RAB19: variants seen among roughly 807,000 people sequenced by gnomAD.
The protein encoded by RAB19 is ras-related protein Rab-19.
In RAB19, 21 loss-of-function variants were observed where a neutral mutation model predicts 17.3. The observed-to-expected ratio is 1.21, with a 90% CI of 0.86 to 1.74. The LOEUF (loss-of-function observed/expected upper bound fraction) is 1.74, where lower values mean the gene tolerates loss of function less well. Ranked by LOEUF, RAB19 falls within the 40% of genes most tolerant of loss-of-function variation. RAB19 has a pLI of 0.00. For missense variants in RAB19, 277 were observed against 286.8 expected (o/e 0.97, Z 0.25); for synonymous variants, 126 against 110.4 (o/e 1.14, Z -0.88).
intron 3 of RAB19, among the ~76,000 whole-genome samples, chr7:140,421,806 T>A (rs1214359366): frequency 1.3e-5 from 2 of 151,872 alleles, no homozygotes; most frequent in African/African-American, 4.9e-5. Context: ...AGCCTTTTCG[T>A]CTCTTGATGG....
chr7:140,414,428 ACT>A (rs1345156776), intron 3 of RAB19, among the ~76,000 whole-genome samples: 1 of 152,030 alleles, frequency 6.6e-6, no homozygotes, highest in Non-Finnish European at 1.5e-5. Flanking sequence ...GTCTTTAATC[ACT>A]CTGTGAAACA....
At chr7:140,422,944 C>T (rs924085313) in intron 3 of RAB19, among the ~76,000 whole-genome samples, 3 of 151,954 alleles carry the variant, frequency 2.0e-5, no homozygotes, top group Non-Finnish European at 2.9e-5. Flanking sequence ...TCTGTCTCTA[C>T]TAAAAATACA....
At chr7:140,417,779 C>T (rs1164980481) in intron 3 of RAB19, among the ~76,000 whole-genome samples, 1 of 152,206 alleles carries the variant, frequency 6.6e-6, no homozygotes, top group Non-Finnish European at 1.5e-5. Flanking sequence ...GACTGTCCCT[C>T]GCCTCCTCTG....
chr7:140,425,897 T>C lies in RAB19; in HGVS notation c.401T>C (p.Leu134Pro), dbSNP rs771572401. The change falls in exon 4 of 4, where the codon CTC (leucine) becomes CCC (proline). Residue 134 changes from leucine (L) to proline (P), a missense_variant. By Grantham distance (98) the Leu-to-Pro change is moderately conservative (BLOSUM62 -3). Transcript: ENST00000537763. ...VIMLIGNKCDLWEKRHVLFED... is the reference protein window; with the variant it reads ...VIMLIGNKCDPWEKRHVLFED... Reference sequence around the variant, plus strand: ...TTCCTTCCAGGAAATAAATGTGACCTCTGGGAAAAGCGGCACGTCCTGTTC... The same window carrying C: ...TTCCTTCCAGGAAATAAATGTGACCCCTGGGAAAAGCGGCACGTCCTGTTC... The C allele has an allele frequency of 6.2e-7, 1 of 1,610,794 alleles. No individual in the cohort carries two copies. The highest frequency in any genetic ancestry group is 1.7e-5 in the Admixed American group (1 of 59,608).
At chr7:140,415,817 C>A (rs184319120) in intron 3 of RAB19, among the ~76,000 whole-genome samples, 240 of 151,358 alleles carry the variant, frequency 1.6e-3, no homozygotes, top group African/African-American at 5.4e-3. Context: ...AGGCAGGAGA[C>A]TTGCTTGAAC....
At chr7:140,413,516 G>A (rs1276316305) in intron 3 of RAB19, among the ~76,000 whole-genome samples, 1 of 152,114 alleles carries the variant, frequency 6.6e-6, no homozygotes, top group Non-Finnish European at 1.5e-5. Context: ...TCAACATAGT[G>A]AGACTTCATC....
intron 3 of RAB19, among the ~76,000 whole-genome samples, chr7:140,416,506 CG>C (rs1799460377): frequency 7.2e-5 from 11 of 152,122 alleles, no homozygotes. Flanking sequence ...TGCAGCTCAC[CG>C]GGTCCATAGC....
At chr7:140,424,639 A>ATATGTG (rs1554442794) in intron 3 of RAB19, among the ~76,000 whole-genome samples, 30 of 138,342 alleles carry the variant, frequency 2.2e-4, no homozygotes, top group South Asian at 1.4e-3. Context: ...ATATATATAT[A>ATATGTG]TGTGTGTGTG....
intron 3 of RAB19, among the ~76,000 whole-genome samples, chr7:140,416,009 A>T (rs1462147064): frequency 6.6e-6 from 1 of 151,514 alleles, no homozygotes; most frequent in African/African-American, 2.4e-5. Context: ...GTTCAACATC[A>T]GCCTGGGCAA....
chr7:140,417,513 C>T (rs1378436914), intron 3 of RAB19, among the ~76,000 whole-genome samples: 1 of 152,146 alleles, frequency 6.6e-6, no homozygotes, highest in East Asian at 1.9e-4. Flanking sequence ...CCACCAGGGA[C>T]TGTCATTCCT....
chr7:140,406,269 A>AAG lies in RAB19; in HGVS notation c.-23-1355_-23-1354insAG, dbSNP rs1368717729. Among the ~76,000 whole-genome samples, 4 of 143,922 alleles carry AAG rather than the reference A, an allele frequency of 2.8e-5. No individual in the cohort carries two copies. In the East Asian group the frequency reaches 8.6e-4, roughly 31 times the overall value. The allele number at this position is 143,922 out of a possible 152,430, so 94.4% of individuals were successfully genotyped here. On this transcript the variant is annotated intron_variant, in intron 1 of 3. Transcript: ENST00000537763. ...GTCTCAAAAAAAAAAAAAAAAAAAA[A>AAG]GGAAATATATATTTTTCAATGATAC...
chr7:140,423,442 A>G (rs1023760363), intron 3 of RAB19, among the ~76,000 whole-genome samples: 1 of 151,590 alleles, frequency 6.6e-6, no homozygotes, highest in Non-Finnish European at 1.5e-5. Flanking sequence ...TACATTTCAA[A>G]AAAAAAAAAA....
chr7:140,427,399 G>A lies in RAB19; in HGVS notation c.*1249G>A, dbSNP rs1055779972. ...GAACTCCTGACCTCATGATCCACCC[G>A]TCTCGGCCTCCTAAAGTGCTGGGAT... is the stretch of plus-strand genomic sequence containing the variant. On this transcript the variant is annotated 3_prime_UTR_variant, in exon 4 of 4. Transcript: ENST00000537763. 1.4e-4 allele frequency among the ~76,000 whole-genome samples: 20 copies of A among 146,378 alleles called. No homozygotes were observed. Among genetic ancestry groups the A allele is most frequent in the African/African-American group, 2.5e-4 (10 of 39,376 alleles).
In RAB19 at chr7:140,412,144, T is replaced by G; in HGVS notation, c.385+87T>G. 2.2e-6 allele frequency: 3 copies of G among 1,359,476 alleles called. No homozygotes were observed. The African/African-American group carries it at 4.3e-5, about 19-fold the overall frequency. The allele number at this position is 1,359,476 out of a possible 1,614,324, so 84.2% of individuals were successfully genotyped here. A position where few individuals can be genotyped will look rare whatever the true frequency, so the allele number is the denominator to read the frequency against. ...GCATGTTTCTAATGACAGTGGAAAA[T>G]GAAATCTTAAAAGTGTAAGTGATGC... On this transcript the variant is annotated intron_variant, in intron 3 of 3. Coordinates refer to ENST00000537763, the MANE Select transcript of RAB19 (RefSeq NM_001008749.3).
At chr7:140,415,649 G>A (rs1205594979) in intron 3 of RAB19, among the ~76,000 whole-genome samples, 3 of 152,178 alleles carry the variant, frequency 2.0e-5, no homozygotes, top group Non-Finnish European at 2.9e-5. Context: ...GTCATACAGA[G>A]CAGGTTGAAT....
In RAB19 at chr7:140,413,175, G is replaced by A. The variant is rs74482391; in HGVS notation, c.385+1118G>A. Among the ~76,000 whole-genome samples the A allele has an allele frequency of 5.5e-3, 844 of 152,232 alleles. 7 individuals carry two copies. The highest frequency in any genetic ancestry group is 0.019 in the African/African-American group (778 of 41,536). ...AACATATGTTCTTAGCACCTTTGTC[G>A]AAAATGACTTTACTGTAGATGTATA... On this transcript the variant is annotated intron_variant, in intron 3 of 3. Coordinates refer to ENST00000537763, the MANE Select transcript of RAB19 (RefSeq NM_001008749.3).
chr7:140,412,708 G>A (rs1323024105), intron 3 of RAB19, among the ~76,000 whole-genome samples: 1 of 150,702 alleles, frequency 6.6e-6, no homozygotes, highest in African/African-American at 2.4e-5. Flanking sequence ...AGAGTGAACA[G>A]GTGAGTTTTG....
rs568886739 is a variant in RAB19 at position 140,410,391 on chromosome 7, A to G, written c.202-1483A>G. Among the ~76,000 whole-genome samples the G allele has an allele frequency of 4.4e-5, 6 of 137,052 alleles. No individual in the cohort carries two copies. The South Asian group carries it at 1.2e-3, about 27-fold the overall frequency. 89.9% of individuals were successfully genotyped at this position (137,052 alleles called of 152,430 possible). ...CCGAACTGCGGACTGCAGTGGCGCA[A>G]TCTCGGCTCACTGTAAGCTCCGCTT... On this transcript the variant is annotated intron_variant, in intron 2 of 3. Transcript: ENST00000537763.
In RAB19 at chr7:140,426,123, A is replaced by C. The variant is rs748779977; in HGVS notation, c.627A>C (p.Pro209=). The C allele has an allele frequency of 1.2e-6, 2 of 1,613,982 alleles. No individual in the cohort carries two copies. Among genetic ancestry groups the C allele is most frequent in the East Asian group, 2.2e-5 (1 of 44,878 alleles). Residue 209 remains proline (P), a synonymous_variant, in exon 4 of 4, where the codon CCA becomes CCC. Transcript: ENST00000537763. ...GCCCCGTTCTTATGGCCCAGGGTCC[A>C]AGTGAAAAGACCCACTGCACTTGCT... ...DSSPVLMAQG[P]SEKTHCTC
Sources: allele counts gnomAD v4.1 joint callset (sites outside exome capture counted in the v4.1 genomes callset), GRCh38; gene constraint gnomAD v4.1.1; transcripts MANE v1.5; gene names NCBI Gene and HGNC (gene_info 2026-07-23, HGNC 2026-07-21).